Variants in FCER2 observed in about 807,000 individuals in gnomAD.
The protein encoded by FCER2 is low affinity immunoglobulin epsilon Fc receptor.
FCER2 carries 38 observed loss-of-function variants against 49.7 expected under a neutral mutation model. That is an observed-to-expected ratio of 0.76 (90% confidence interval 0.59 to 1.00). The LOEUF (loss-of-function observed/expected upper bound fraction) is 1.00. FCER2 is among the 50% of genes least tolerant of loss of function. The probability of loss-of-function intolerance (pLI) is 0.00; values close to 1 mark genes in which losing one functional copy is unlikely to be tolerated. For missense variants in FCER2, 425 were observed against 419.5 expected, an observed-to-expected ratio of 1.01 and a Z score of -0.11; for synonymous variants, 163 against 164.6, an observed-to-expected ratio of 0.99 and a Z score of 0.07.
In FCER2 at chr19:7,689,428, T is replaced by C; in HGVS notation, c.731A>G (p.Asn244Ser). Residue 244 changes from asparagine to serine, a missense_variant and splice_region_variant, in exon 11 of 11, where the codon AAC (asparagine) becomes AGC (serine). Transcript: ENST00000597921. ...GCTGGTGGGCTCCCCTGGAGCCCAG[T>C]TGCTGGAGCAAAAGGCTTTGGGTCA... ...WVDGSHVDYS[N>S]WAPGEPTSRS... 3 of 1,577,966 alleles carry C rather than the reference T, an allele frequency of 1.9e-6. No homozygotes were observed. Among genetic ancestry groups the C allele is most frequent in the Admixed American group, 1.8e-5 (1 of 56,312 alleles).
At chr19:7,691,820 T>C (rs62110727) in intron 8 of FCER2, among the ~76,000 whole-genome samples, 51,721 of 150,894 alleles carry the variant, frequency 0.34, 9,712 homozygotes, top group African/African-American at 0.5. Flanking sequence ...ACACCATGAC[T>C]ACATTGCCAG....
chr19:7,701,090 G>A (rs1027321092), intron 1 of FCER2, among the ~76,000 whole-genome samples: 1 of 152,218 alleles, frequency 6.6e-6, no homozygotes, highest in Non-Finnish European at 1.5e-5. Context: ...GATTACAGGC[G>A]TGAGCCACTG....
intron 8 of FCER2, among the ~76,000 whole-genome samples, chr19:7,694,820 G>T (rs1230626533): frequency 6.8e-6 from 1 of 146,836 alleles, no homozygotes; most frequent in Admixed American, 6.7e-5. Context: ...TAAAACCCCA[G>T]TTCCTACCGT....
intron 1 of FCER2, among the ~76,000 whole-genome samples, chr19:7,700,506 C>CTTTATTTA (rs113893384): frequency 2.7e-5 from 4 of 150,670 alleles, no homozygotes; most frequent in Non-Finnish European, 4.4e-5. Flanking sequence ...AGTGCTCTGA[C>CTTTATTTA]TTTATTTATT....
chr19:7,693,944 C>A (rs557217868), intron 8 of FCER2, among the ~76,000 whole-genome samples: 1 of 150,084 alleles, frequency 6.7e-6, no homozygotes, highest in East Asian at 2.0e-4. Context: ...CCACCATGCC[C>A]AGCCACAGAT....
intron 8 of FCER2, among the ~76,000 whole-genome samples, chr19:7,691,664 A>G (rs2146269035): frequency 6.6e-6 from 1 of 151,956 alleles, no homozygotes; most frequent in East Asian, 1.9e-4. Flanking sequence ...CAAATACCTC[A>G]TGGCCAAAAA....
chr19:7,695,145 C>T (rs546344884), intron 8 of FCER2, among the ~76,000 whole-genome samples: 3 of 152,140 alleles, frequency 2.0e-5, no homozygotes, highest in Non-Finnish European at 4.4e-5. Flanking sequence ...CCCTACCCCA[C>T]ATTAAGGGTA....
Position 7,690,461 on chromosome 19 carries a change from T to C in FCER2, c.566A>G (p.Tyr189Cys). Reference protein sequence around the residue: ...KGTKQWVHARYACDDMEGQLV... With the variant: ...KGTKQWVHARCACDDMEGQLV... ...CTGCCCTTCCATGTCGTCACAGGCA[T>C]ACCGGGCGTGGACCCACTGCTTGGT... Residue 189 changes from tyrosine to cysteine, a missense_variant, in exon 9 of 11, where the codon TAT (tyrosine) becomes TGT (cysteine). Tyr to Cys is a radical substitution (Grantham distance 194). Coordinates refer to ENST00000597921, the MANE Select transcript of FCER2 (RefSeq NM_001220500.2). The C allele has an allele frequency of 6.2e-7, 1 of 1,614,080 alleles. No individual in the cohort carries two copies.
At chr19:7,698,911 G>A in intron 2 of FCER2, 57 bp from the exon 3 acceptor site, 1 of 1,529,068 alleles carries the variant, frequency 6.5e-7, no homozygotes. Flanking sequence ...TGCTGGCCCT[G>A]TCCGTCTCTC....
chr19:7,695,793 C>T (rs8106371), intron 8 of FCER2, among the ~76,000 whole-genome samples: 1,671 of 151,922 alleles, frequency 0.011, 35 homozygotes, highest in African/African-American at 0.038. Flanking sequence ...GGCACACACT[C>T]GTAGTCTCAG....
At chr19:7,690,685 G>A (rs2277993) in intron 8 of FCER2, 128 bp from the exon 9 acceptor site, 247,145 of 871,008 alleles carry the variant, frequency 0.28, 38,400 homozygotes, top group African/African-American at 0.53. Context: ...CCACCCCAGG[G>A]CCTAACAGAC....
At chr19:7,697,438 CACAGTG>C in intron 5 of FCER2, 83 bp downstream of exon 5, 1 of 1,467,588 alleles carries the variant, frequency 6.8e-7, no homozygotes, top group South Asian at 1.1e-5. Context: ...GGGGGTGGGG[CACAGTG>C]AGTCTTAATG....
rs1568486377 is a variant in FCER2 at position 7,690,258 on chromosome 19, A to T, written c.629T>A (p.Leu210Gln). 4 of 1,613,630 alleles carry T rather than the reference A, an allele frequency of 2.5e-6. No homozygotes were observed. In the African/African-American group the frequency reaches 4.0e-5, roughly 16 times the overall value. ...SIHSPEEQDF[L>Q]TKHASHTGSW... ...GCCGGTGTGGCTGGCATGCTTGGTC[A>T]GGAAGTCCTGGGGGACAGGACAGGG... is the stretch of plus-strand genomic sequence containing the variant. The change falls in exon 10 of 11, where the codon CTG becomes CAG. Residue 210 changes from leucine (L) to glutamine (Q), a missense_variant. Coordinates refer to ENST00000597921, the MANE Select transcript of FCER2 (RefSeq NM_001220500.2).
intron 6 of FCER2, 73 bp from the exon 7 acceptor site, chr19:7,697,148 C>G (rs1258346243): frequency 2.9e-5 from 47 of 1,601,040 alleles, no homozygotes; most frequent in Non-Finnish European, 3.9e-5. Flanking sequence ...CCAAGCCTGG[C>G]CCCCCAGCCT....
intron 8 of FCER2, among the ~76,000 whole-genome samples, chr19:7,695,335 A>T (rs1388687262): frequency 6.6e-6 from 1 of 152,154 alleles, no homozygotes; most frequent in East Asian, 1.9e-4. Context: ...TGTGTATGAG[A>T]ATCCTACTAA....
chr19:7,691,449 A>ATAGT (rs79148691), intron 8 of FCER2, among the ~76,000 whole-genome samples: 52,810 of 151,482 alleles, frequency 0.35, 10,308 homozygotes, highest in African/African-American at 0.53. Context: ...TCGACAGCTC[A>ATAGT]TAGAAGTGCC....
Position 7,698,345 on chromosome 19 carries a change from C to T in FCER2, c.190+11G>A, listed in dbSNP as rs748915519. 1.9e-6 allele frequency: 3 copies of T among 1,597,274 alleles called. No individual in the cohort carries two copies. The highest frequency in any genetic ancestry group is 1.7e-4 in the Middle Eastern group (1 of 5,984). ...CTCACCCCCACCCCCTCCACCTTGA[C>T]CCCTTCATACCGTTCCGGGCAGCCC... On this transcript the variant is annotated intron_variant, in intron 4 of 10. Coordinates refer to ENST00000597921, the MANE Select transcript of FCER2 (RefSeq NM_001220500.2).
chr19:7,699,387 A>AG, intron 2 of FCER2: 6 of 1,364,456 alleles, frequency 4.4e-6, no homozygotes, highest in Non-Finnish European at 5.8e-6. Flanking sequence ...CCTGGCTTGG[A>AG]GGATTCATTA....
intron 8 of FCER2, among the ~76,000 whole-genome samples, chr19:7,691,549 C>G (rs2032871515): frequency 6.6e-6 from 1 of 152,140 alleles, no homozygotes; most frequent in African/African-American, 2.4e-5. Flanking sequence ...GTTCCACAGC[C>G]AGCAGCACCT....
Sources: allele counts gnomAD v4.1 joint callset (sites outside exome capture counted in the v4.1 genomes callset), GRCh38; gene constraint gnomAD v4.1.1; transcripts MANE v1.5; gene names NCBI Gene and HGNC (gene_info 2026-07-23, HGNC 2026-07-21).